SDK2: variants seen among roughly 807,000 people sequenced by gnomAD.
SDK2 encodes protein sidekick-2.
Under a neutral mutation model 253.9 loss-of-function variants are expected in SDK2, and 105 were observed. That is an observed-to-expected ratio of 0.41 (90% confidence interval 0.35 to 0.49). The LOEUF is 0.49. Among genes scored for constraint, SDK2 ranks in the 20% least tolerant of loss-of-function variants. The pLI is 0.06. For synonymous variants in SDK2, 1,249 were observed against 1,234.9 expected (o/e 1.01, Z -0.24); for missense variants, 2,608 against 3,003.0 (o/e 0.87, Z 3.07).
intron 36 of SDK2, among the ~76,000 whole-genome samples, chr17:73,374,450 T>G (rs1199459554): frequency 7.1e-6 from 1 of 141,690 alleles, no homozygotes; most frequent in Non-Finnish European, 1.5e-5. Flanking sequence ...TTTCTCCCAT[T>G]CCATGTTCGA....
intron 2 of SDK2, among the ~76,000 whole-genome samples, chr17:73,483,707 ATTTTTT>A (rs35288553): frequency 4.7e-5 from 3 of 64,280 alleles, no homozygotes; most frequent in African/African-American, 2.2e-4. Context: ...ATATATATAT[ATTTTTT>A]TTTTTTTTTA....
chr17:73,427,353 G>C (rs1023479016), intron 12 of SDK2, among the ~76,000 whole-genome samples: 42 of 152,196 alleles, frequency 2.8e-4, no homozygotes, highest in African/African-American at 1.0e-3. Context: ...CTGCCTGTCT[G>C]TGTAAATAAA....
At chr17:73,613,791 G>A (rs1232589375) in intron 1 of SDK2, among the ~76,000 whole-genome samples, 1 of 151,024 alleles carries the variant, frequency 6.6e-6, no homozygotes, top group Admixed American at 6.6e-5. Flanking sequence ...CGATGAGGAG[G>A]GGGACAGGGA....
At chr17:73,426,872 G>A (rs2063288086) in intron 12 of SDK2, among the ~76,000 whole-genome samples, 3 of 152,112 alleles carry the variant, frequency 2.0e-5, no homozygotes, top group Non-Finnish European at 2.9e-5. Flanking sequence ...GGATCATGAG[G>A]TCAGGAGATT....
chr17:73,430,379 G>A (rs2063316591), intron 12 of SDK2, 132 bp downstream of exon 12: 1 of 675,464 alleles, frequency 1.5e-6, no homozygotes, highest in South Asian at 1.8e-5. Context: ...CTCAGCTCTG[G>A]AAATGCCACT....
chr17:73,585,934 C>T (rs1259116551), intron 1 of SDK2, among the ~76,000 whole-genome samples: 1 of 152,160 alleles, frequency 6.6e-6, no homozygotes, highest in Non-Finnish European at 1.5e-5. Flanking sequence ...CAAGCGCATC[C>T]ATACATATGT....
chr17:73,451,617 AC>A lies in SDK2; in HGVS notation c.480-3870del, dbSNP rs140451549. Among the ~76,000 whole-genome samples, 160 of 152,226 alleles carry A rather than the reference AC, an allele frequency of 1.1e-3. 7 individuals are homozygous for A. In the East Asian group the frequency reaches 0.028, roughly 26 times the overall value. ...CTTTAACTAGTGCCTGGAGGGAAGCACCCTGGACTGGGACCCCCAGGGCCTG... is the reference window on the plus strand; with the variant it reads ...CTTTAACTAGTGCCTGGAGGGAAGCACCTGGACTGGGACCCCCAGGGCCTG... On this transcript the variant is annotated intron_variant, in intron 4 of 44. Coordinates refer to ENST00000392650, the MANE Select transcript of SDK2 (RefSeq NM_001144952.2).
Position 73,383,904 on chromosome 17 carries a change from G to T in SDK2, c.4677C>A (p.Asn1559Lys). Residue 1559 changes from asparagine to lysine, a missense_variant, in exon 33 of 45, where the codon AAC becomes AAA. Asn to Lys is a moderately conservative substitution (Grantham distance 94, BLOSUM62 0). Around this residue, in one of 2 missense-constraint regions of SDK2, gnomAD observed 1,103 missense variants for 1,143.9 expected, o/e 0.96. Coordinates refer to ENST00000392650, the MANE Select transcript of SDK2 (RefSeq NM_001144952.2). This position sits in a 1 kb window ranked among gnomAD's most constrained non-coding sequence, Gnocchi z 4.3. Reference sequence around the variant, plus strand: ...TAAGCTCAGCCCATGTGGCCCCTGGGTTGTTGATGCCTCGAAGCGTGAAGC... The same window carrying T: ...TAAGCTCAGCCCATGTGGCCCCTGGTTTGTTGATGCCTCGAAGCGTGAAGC... The part of the protein sequence containing the change: ...LRGFTLRGIN[N>K]PGATWAELTS... 6.2e-7 allele frequency: 1 copy of T among 1,613,984 alleles called. No homozygotes were observed. Among genetic ancestry groups the T allele is most frequent in the Non-Finnish European group, 8.5e-7 (1 of 1,179,892 alleles).
chr17:73,509,787 C>T (rs1488717931), intron 1 of SDK2, among the ~76,000 whole-genome samples: 1 of 149,858 alleles, frequency 6.7e-6, no homozygotes, highest in Non-Finnish European at 1.5e-5. Flanking sequence ...GTTGTCCTAG[C>T]TACTTGGGAG....
At position 73,596,053 on chromosome 17, in the gene SDK2, C is replaced by G. The variant is rs138167887; in HGVS notation, c.64+47972G>C. ...AGTCTTATGTCCCAGGCAGACGGCC[C>G]TCACCTACCCCCTGTGCCTGCCCCA... On this transcript the variant is annotated intron_variant, in intron 1 of 44. Transcript: ENST00000392650. 2.2e-3 allele frequency among the ~76,000 whole-genome samples: 340 copies of G among 152,048 alleles called. 1 individual carries two copies. Among genetic ancestry groups the G allele is most frequent in the Non-Finnish European group, 3.5e-3 (241 of 67,944 alleles).
intron 1 of SDK2, among the ~76,000 whole-genome samples, chr17:73,530,834 T>G (rs1469961905): frequency 6.6e-6 from 1 of 152,182 alleles, no homozygotes; most frequent in East Asian, 1.9e-4. Context: ...GTGGCCCCAG[T>G]AGAGCATCTA....
At chr17:73,433,916 G>A in intron 9 of SDK2, 68 bp from the exon 10 acceptor site, 1 of 1,164,476 alleles carries the variant, frequency 8.6e-7, no homozygotes, top group South Asian at 1.6e-5. Context: ...GAGGGCCAGG[G>A]GCCTCCAAGC....
intron 18 of SDK2, among the ~76,000 whole-genome samples, chr17:73,407,175 T>C (rs1340182457): frequency 6.6e-6 from 1 of 152,234 alleles, no homozygotes; most frequent in Non-Finnish European, 1.5e-5. Flanking sequence ...AAAACTGTGG[T>C]ATCTAACTAT....
At chr17:73,611,134 C>T (rs1345773451) in intron 1 of SDK2, among the ~76,000 whole-genome samples, 1 of 152,228 alleles carries the variant, frequency 6.6e-6, no homozygotes, top group African/African-American at 2.4e-5. Context: ...TGTGGTGCCA[C>T]GCAGGCTCAC....
intron 1 of SDK2, among the ~76,000 whole-genome samples, chr17:73,596,575 T>C (rs944119161): frequency 1.3e-5 from 2 of 152,208 alleles, no homozygotes; most frequent in African/African-American, 4.8e-5. Flanking sequence ...CGCTGGCTCA[T>C]GATGTATCTG....
Position 73,419,215 on chromosome 17 carries a change from G to T in SDK2, c.2137C>A (p.Pro713Thr), listed in dbSNP as rs755205056. ...TNQSIMIQWQ[P>T]PPESHQNGIL... is the part of the protein sequence containing the mutation. The stretch of plus-strand genomic sequence containing the variant: ...CCATTCTGGTGGCTCTCAGGAGGCG[G>T]CTGCCACTGGATCATGATGGACTGG... The change falls in exon 16 of 45, where the codon CCG becomes ACG. Residue 713 changes from proline to threonine, a missense_variant. Pro to Thr is a conservative substitution (Grantham distance 38). Coordinates refer to ENST00000392650, the MANE Select transcript of SDK2 (RefSeq NM_001144952.2). 4.3e-6 allele frequency: 7 copies of T among 1,611,800 alleles called. No individual in the cohort carries two copies. In the African/African-American group the frequency reaches 6.7e-5, roughly 15 times the overall value.
chr17:73,370,231 C>T (rs1273989738), intron 36 of SDK2, among the ~76,000 whole-genome samples: 3 of 151,992 alleles, frequency 2.0e-5, no homozygotes, highest in Non-Finnish European at 4.4e-5. Flanking sequence ...TTCTCCAATC[C>T]CTCTCCCCCT....
rs369683602 is a variant in SDK2, at chr17:73,527,986, G to A, written c.65-20389C>T. Among the ~76,000 whole-genome samples, 8 of 152,106 alleles carry A rather than the reference G, an allele frequency of 5.3e-5. No homozygotes were observed. In the East Asian group the frequency reaches 5.8e-4, roughly 11 times the overall value. ...GAAGACCTGTGTTAGATTGGAGGGC[G>A]GGGGTTGTCTGAGGGAGAGGGAAGC... On this transcript the variant is annotated intron_variant, in intron 1 of 44. Transcript: ENST00000392650.
chr17:73,638,366 G>T (rs547558260), intron 1 of SDK2, among the ~76,000 whole-genome samples: 8 of 152,352 alleles, frequency 5.3e-5, no homozygotes, highest in African/African-American at 1.9e-4. Flanking sequence ...ATATATGTCA[G>T]CTGGAGCTGA....
Sources: allele counts gnomAD v4.1 joint callset (sites outside exome capture counted in the v4.1 genomes callset), GRCh38; gene constraint gnomAD v4.1.1; regional missense constraint gnomAD v4.1.1; non-coding constraint Gnocchi (gnomAD v3.1); transcripts MANE v1.5; gene names NCBI Gene and HGNC (gene_info 2026-07-23, HGNC 2026-07-21).